Variants in HERC2 observed in about 807,000 individuals in gnomAD.
HERC2 encodes the protein E3 ubiquitin-protein ligase HERC2.
A neutral mutation model predicts 537.7 loss-of-function variants in HERC2; 102 were observed. The observed-to-expected ratio is 0.19, with a 90% CI of 0.16 to 0.22. The LOEUF (loss-of-function observed/expected upper bound fraction) is 0.22, where lower values mean the gene tolerates loss of function less well. HERC2 is among the 10% of genes least tolerant of loss of function. The pLI is 1.00. For missense variants in HERC2, 4,236 were observed against 6,198.2 expected (o/e 0.68, Z 10.63); for synonymous variants, 2,224 against 2,466.2 (o/e 0.90, Z 2.91).
At chr15:28,195,437 G>A (rs7182309) in intron 52 of HERC2, among the ~76,000 whole-genome samples, 11,598 of 152,084 alleles carry the variant, frequency 0.076, 1,467 homozygotes, top group African/African-American at 0.27. Context: ...GTCCAGCCTG[G>A]GCGACAGACT....
chr15:28,318,505 G>C (rs529872107), intron 2 of HERC2, among the ~76,000 whole-genome samples: 1 of 152,208 alleles, frequency 6.6e-6, no homozygotes, highest in African/African-American at 2.4e-5. Flanking sequence ...GTGGACACCC[G>C]TAGTCCCAGC....
Position 28,116,757 on chromosome 15 carries a change from T to C in HERC2, c.13517A>G (p.Asn4506Ser). 6.2e-7 allele frequency: 1 copy of C among 1,613,952 alleles called. No individual in the cohort carries two copies. Among genetic ancestry groups the C allele is most frequent in the Non-Finnish European group, 8.5e-7 (1 of 1,180,014 alleles). The change falls in exon 88 of 93, where the codon AAC (asparagine) becomes AGC (serine). Residue 4506 changes from asparagine (N) to serine (S), a missense_variant. Physicochemically the swap from Asn to Ser is conservative, Grantham distance 46. Around this residue, in one of 27 missense-constraint regions of HERC2, gnomAD observed 313 missense variants for 462.6 expected, o/e 0.68. Coordinates refer to ENST00000261609, the MANE Select transcript of HERC2 (RefSeq NM_004667.6). ...GTTGGCCCCAGACTCATCCCTCCCG[T>C]TGGGTGTCACGATCAGCAGGGGCGT... ...GLTPLLIVTP[N>S]GRDESGANRD...
chr15:28,289,302 T>C (rs2076247132), intron 4 of HERC2, among the ~76,000 whole-genome samples: 1 of 151,402 alleles, frequency 6.6e-6, no homozygotes, highest in South Asian at 2.1e-4. Context: ...GAAAGGAGAG[T>C]AGTCAGACCA....
Position 28,272,339 on chromosome 15 carries a change from C to A in HERC2, c.959G>T (p.Gly320Val). Residue 320 changes from glycine to valine, a missense_variant, in exon 9 of 93, where the codon GGG becomes GTG. By Grantham distance (109) the Gly-to-Val change is moderately radical. Coordinates refer to ENST00000261609, the MANE Select transcript of HERC2 (RefSeq NM_004667.6). ...ACGCTCATTGTCAGTCTCCTGTGCCCCGCTGTCCCACAGCTGAAGCAACAA... is the reference window on the plus strand; with the variant it reads ...ACGCTCATTGTCAGTCTCCTGTGCCACGCTGTCCCACAGCTGAAGCAACAA... ...ILLLLQLWDS[G>V]AQETDNERSA... The A allele has an allele frequency of 6.2e-7, 1 of 1,612,338 alleles. No individual in the cohort carries two copies. The highest frequency in any genetic ancestry group is 8.5e-7 in the Non-Finnish European group (1 of 1,179,132).
At chr15:28,192,992 T>G (rs976396866) in intron 52 of HERC2, among the ~76,000 whole-genome samples, 5 of 152,128 alleles carry the variant, frequency 3.3e-5, no homozygotes, top group Non-Finnish European at 7.4e-5. Context: ...GAATGCTGAT[T>G]AAGGTAAGCC....
In HERC2 at chr15:28,229,198, G is replaced by A. The variant is rs1567043508; in HGVS notation, c.5269C>T (p.Leu1757Phe). ...LMDASAKFKE[L>F]GIQPVPLQTI... ...ATTGATACAATTATTGACTCACCAA[G>A]CTCTTTAAATTTGGCACTGGCATCC... is the stretch of plus-strand genomic sequence containing the variant. The change falls in exon 34 of 93, where the codon CTT becomes TTT. Residue 1757 changes from leucine (L) to phenylalanine (F), a missense_variant. Leu to Phe is a conservative substitution (Grantham distance 22). This residue lies in a region of HERC2 where 343 missense variants were observed against 417.2 expected (regional missense o/e 0.82). Coordinates refer to ENST00000261609, the MANE Select transcript of HERC2 (RefSeq NM_004667.6). 1 of 1,611,228 alleles carries A rather than the reference G, an allele frequency of 6.2e-7. No homozygotes were observed.
intron 44 of HERC2, among the ~76,000 whole-genome samples, chr15:28,209,889 A>C (rs1053942638): frequency 6.6e-6 from 1 of 151,538 alleles, no homozygotes; most frequent in African/African-American, 2.4e-5. Flanking sequence ...GTTTTTCAAC[A>C]CAAAAACAAT....
In HERC2 at chr15:28,178,867, T is replaced by C. The variant is rs1219022783; in HGVS notation, c.9163+20A>G. On this transcript the variant is annotated intron_variant, in intron 59 of 92. Coordinates refer to ENST00000261609, the MANE Select transcript of HERC2 (RefSeq NM_004667.6). ...GAGCAAAGGCCGCCCCGCACAGGCC[T>C]CCTGGTGCTTGGCTTGTACCTGAGT... 3.1e-6 allele frequency: 5 copies of C among 1,609,688 alleles called. No homozygotes were observed. The highest frequency in any genetic ancestry group is 4.2e-6 in the Non-Finnish European group (5 of 1,178,414).
chr15:28,116,602 C>T (rs931232373), intron 88 of HERC2, 63 bp downstream of exon 88: 32 of 1,414,842 alleles, frequency 2.3e-5, no homozygotes, highest in Admixed American at 4.1e-5. Flanking sequence ...ACAGATAGTA[C>T]ATTTTAACTC....
intron 80 of HERC2, 91 bp downstream of exon 80, chr15:28,132,562 T>A: frequency 1.6e-6 from 2 of 1,240,964 alleles, no homozygotes; most frequent in Non-Finnish European, 2.1e-6. Context: ...AGCCAAAGCA[T>A]TTTTCATAAC....
At chr15:28,201,100 T>G (rs1897863250) in intron 48 of HERC2, among the ~76,000 whole-genome samples, 1 of 150,170 alleles carries the variant, frequency 6.7e-6, no homozygotes, top group African/African-American at 2.4e-5. Context: ...TCTGCCCCTC[T>G]GTCCTCTGGC....
rs1897902888 is a variant in HERC2 at position 28,201,491 on chromosome 15, CATT to C, written c.7678_7680del (p.Asn2560del). On this transcript the variant is annotated inframe_deletion, in exon 48 of 93. Coordinates refer to ENST00000261609, the MANE Select transcript of HERC2 (RefSeq NM_004667.6). ...TCTCTCACATATACAGCATAATCAT[CATT>C]ACTCAAGAAATCAGCTCGTTTTTTG... The C allele has an allele frequency of 6.2e-7, 1 of 1,612,232 alleles. No individual in the cohort carries two copies.
intron 77 of HERC2, 21 bp downstream of exon 77, chr15:28,141,710 G>C: frequency 6.2e-7 from 1 of 1,610,670 alleles, no homozygotes; most frequent in Non-Finnish European, 8.5e-7. Context: ...CGACATTACT[G>C]CTTGTTTCTA....
rs2075786342 is a variant in HERC2, at chr15:28,273,199, TTTTA to T, written c.801-199_801-196del. The stretch of plus-strand genomic sequence containing the variant: ...TGTACAATTAGCTTACACAACTATA[TTTTA>T]TTTAAAGTGTTCACTCAGATACTAT... On this transcript the variant is annotated intron_variant, in intron 7 of 92. Transcript: ENST00000261609. 1.2e-5 allele frequency: 7 copies of T among 608,634 alleles called. No homozygotes were observed. The East Asian group carries it at 1.4e-4, about 12-fold the overall frequency. The allele number at this position is 608,634 out of a possible 1,614,324, so 37.7% of individuals were successfully genotyped here.
intron 17 of HERC2, among the ~76,000 whole-genome samples, chr15:28,256,701 T>A (rs2075273307): frequency 6.6e-6 from 1 of 152,174 alleles, no homozygotes; most frequent in African/African-American, 2.4e-5. Context: ...TTCATGCCAT[T>A]TTCCTGACTC....
chr15:28,191,554 A>G (rs1896856419), intron 53 of HERC2, among the ~76,000 whole-genome samples: 2 of 152,188 alleles, frequency 1.3e-5, no homozygotes. Context: ...CCCTGTCCTA[A>G]AGTCTGACCT....
intron 68 of HERC2, among the ~76,000 whole-genome samples, chr15:28,165,183 G>A (rs2142463604): frequency 6.6e-6 from 1 of 152,302 alleles, no homozygotes; most frequent in Non-Finnish European, 1.5e-5. Context: ...TGGAGGTGAG[G>A]GGAGGGCCAG....
intron 30 of HERC2, 87 bp from the exon 31 acceptor site, chr15:28,230,587 C>G: frequency 1.1e-6 from 1 of 911,716 alleles, no homozygotes; most frequent in East Asian, 2.6e-5. Flanking sequence ...ACATGAAGGA[C>G]AAATATCTCA....
chr15:28,321,772 T>A (rs1449937824), intron 1 of HERC2, among the ~76,000 whole-genome samples: 5 of 136,526 alleles, frequency 3.7e-5, no homozygotes, highest in Middle Eastern at 3.7e-3. Context: ...ATCCAAGAAG[T>A]ACACACACAT....
Sources: gnomAD v4.1 joint callset for allele counts (sites outside exome capture counted in the v4.1 genomes callset) on GRCh38, gnomAD v4.1.1 for gene constraint, gnomAD v4.1.1 regional missense constraint, MANE v1.5 for transcripts, NCBI Gene and HGNC (gene_info 2026-07-23, HGNC 2026-07-21) for gene names.